Variants in DYSF observed in about 807,000 individuals in gnomAD.
DYSF encodes the protein dysferlin.
In DYSF, 212 loss-of-function variants were observed where a neutral mutation model predicts 274.9. That is an observed-to-expected ratio of 0.77 (90% CI 0.69 to 0.86). The LOEUF (loss-of-function observed/expected upper bound fraction) is 0.86. DYSF is among the 40% of genes least tolerant of loss of function. The pLI is 0.00. For missense variants in DYSF, 2,666 were observed against 2,783.2 expected, an observed-to-expected ratio of 0.96 and a Z score of 0.95; for synonymous variants, 1,091 against 1,078.7, an observed-to-expected ratio of 1.01 and a Z score of -0.22.
At chr2:71,564,968 A>T (rs1384829526) in intron 24 of DYSF, among the ~76,000 whole-genome samples, 1 of 152,126 alleles carries the variant, frequency 6.6e-6, no homozygotes, top group Non-Finnish European at 1.5e-5. Context: ...ACAATGCGGG[A>T]GATCCCTCCC....
intron 3 of DYSF, among the ~76,000 whole-genome samples, chr2:71,501,292 G>C (rs147105088): frequency 6.6e-6 from 1 of 152,258 alleles, no homozygotes; most frequent in Non-Finnish European, 1.5e-5. Flanking sequence ...TACATTTACT[G>C]CCTTGCTAGC....
At chr2:71,528,441 A>AAAGTCCCCT in intron 14 of DYSF, 40 bp downstream of exon 14, 1 of 1,543,044 alleles carries the variant, frequency 6.5e-7, no homozygotes, top group Non-Finnish European at 8.9e-7. Flanking sequence ...TCGGGAGGGG[A>AAAGTCCCCT]CTTTCTGGTG....
chr2:71,659,041 T>C lies in DYSF; in HGVS notation c.4911+8T>C. ...AAGGACCCCAATGGAAAGGTAACTTTCCTAGAGCCCTCACCTCCCCCAGAG... is the reference window on the plus strand; with the variant it reads ...AAGGACCCCAATGGAAAGGTAACTTCCCTAGAGCCCTCACCTCCCCCAGAG... On this transcript the variant is annotated splice_region_variant and intron_variant, in intron 44 of 55. Transcript: ENST00000410020. 1 of 1,614,086 alleles carries C rather than the reference T, an allele frequency of 6.2e-7. No individual in the cohort carries two copies. Among genetic ancestry groups the C allele is most frequent in the Non-Finnish European group, 8.5e-7 (1 of 1,180,018 alleles).
At chr2:71,656,463 T>C (rs2094773137) in intron 43 of DYSF, among the ~76,000 whole-genome samples, 173 bp downstream of exon 43, 1 of 150,948 alleles carries the variant, frequency 6.6e-6, no homozygotes, top group Non-Finnish European at 1.5e-5. Context: ...TGACTGGTGA[T>C]GGGATGGTGT....
intron 3 of DYSF, among the ~76,000 whole-genome samples, chr2:71,491,510 C>A (rs2083853489): frequency 6.6e-6 from 1 of 152,194 alleles, no homozygotes. Flanking sequence ...TATTTCCTCA[C>A]CCAGGCATTA....
chr2:71,479,038 C>T (rs1447923268), intron 1 of DYSF, among the ~76,000 whole-genome samples: 1 of 151,890 alleles, frequency 6.6e-6, no homozygotes, highest in East Asian at 1.9e-4. Context: ...GAGATGTGGC[C>T]AGAGGCTCGA....
chr2:71,609,806 A>G (rs2093714769), intron 36 of DYSF, among the ~76,000 whole-genome samples: 1 of 152,182 alleles, frequency 6.6e-6, no homozygotes, highest in Non-Finnish European at 1.5e-5. Context: ...GGTGGGGGGA[A>G]GCTGATATCT....
chr2:71,574,009 T>G (rs1263531627), intron 29 of DYSF, among the ~76,000 whole-genome samples, 189 bp from the exon 30 acceptor site: 1 of 152,110 alleles, frequency 6.6e-6, no homozygotes, highest in African/African-American at 2.4e-5. Context: ...TTTTCTGACC[T>G]GGGGTTCCTG....
At chr2:71,530,585 G>A (rs772489169) in intron 14 of DYSF, among the ~76,000 whole-genome samples, 6 of 152,248 alleles carry the variant, frequency 3.9e-5, no homozygotes, top group Non-Finnish European at 5.9e-5. Context: ...AAGAAGCTGC[G>A]CCTCCCATTT....
intron 22 of DYSF, among the ~76,000 whole-genome samples, chr2:71,559,872 C>G (rs2091606066): frequency 6.6e-6 from 1 of 152,236 alleles, no homozygotes; most frequent in Non-Finnish European, 1.5e-5. Context: ...CAGGGCAGAG[C>G]TGTTGCTCAC....
Position 71,571,698 on chromosome 2 carries a change from C to A in DYSF, c.3228+957C>A, listed in dbSNP as rs1185463101. ...CCACAGATCACACCCAGCACATGCA[C>A]AGATCACAGTCAGCACACACAGATC... is the stretch of plus-strand genomic sequence containing the variant. On this transcript the variant is annotated intron_variant, in intron 29 of 55. Coordinates refer to ENST00000410020, the MANE Select transcript of DYSF (RefSeq NM_001130987.2). Among the ~76,000 whole-genome samples, 3 of 132,300 alleles carry A rather than the reference C, an allele frequency of 2.3e-5. No homozygotes were observed. In the East Asian group the frequency reaches 7.2e-4, roughly 32 times the overall value. 86.8% of individuals were successfully genotyped at this position (132,300 alleles called of 152,430 possible). A position where few individuals can be genotyped will look rare whatever the true frequency, so the allele number is the denominator to read the frequency against.
intron 55 of DYSF, among the ~76,000 whole-genome samples, chr2:71,683,334 C>T (rs1461499308): frequency 6.6e-6 from 1 of 152,136 alleles, no homozygotes; most frequent in African/African-American, 2.4e-5. Flanking sequence ...CTGTCGTGCC[C>T]TTGCTCTGTG....
chr2:71,537,078 G>A (rs931269403), intron 16 of DYSF, among the ~76,000 whole-genome samples: 1 of 152,006 alleles, frequency 6.6e-6, no homozygotes, highest in Non-Finnish European at 1.5e-5. Flanking sequence ...GAAGACTGGA[G>A]GTCAGAAATC....
At chr2:71,484,457 C>A (rs924410906) in intron 3 of DYSF, among the ~76,000 whole-genome samples, 1 of 152,188 alleles carries the variant, frequency 6.6e-6, no homozygotes, top group Non-Finnish European at 1.5e-5. Context: ...GTATAACAAT[C>A]AAGTCAGAGT....
chr2:71,516,467 G>A (rs527291210), intron 9 of DYSF, among the ~76,000 whole-genome samples: 3 of 152,332 alleles, frequency 2.0e-5, no homozygotes, highest in African/African-American at 7.2e-5. Context: ...AGGCTCTACG[G>A]GTCACAGAAA....
intron 43 of DYSF, among the ~76,000 whole-genome samples, chr2:71,658,518 C>T (rs2094817152): frequency 1.3e-5 from 2 of 152,126 alleles, no homozygotes; most frequent in African/African-American, 2.4e-5. Flanking sequence ...TGAAGACATA[C>T]CCAAGACTTG....
chr2:71,646,941 G>A (rs1029952892), intron 42 of DYSF, among the ~76,000 whole-genome samples: 4 of 152,100 alleles, frequency 2.6e-5, no homozygotes, highest in Admixed American at 2.0e-4. Flanking sequence ...AATTTAAAGT[G>A]AAGAGCAAAG....
intron 14 of DYSF, among the ~76,000 whole-genome samples, chr2:71,531,961 C>T (rs2088773510): frequency 1.3e-5 from 2 of 152,176 alleles, no homozygotes; most frequent in South Asian, 4.1e-4. Context: ...TTTAACCCTG[C>T]TTCTTCTCTG....
Position 71,598,161 on chromosome 2 carries a change from CCCTAGCA to C in DYSF, c.3575-389_3575-383del, listed in dbSNP as rs553340667. On this transcript the variant is annotated intron_variant, in intron 32 of 55. Transcript: ENST00000410020. ...ATTTAGTTCAAATTGTATTCTCAGC[CCCTAGCA>C]CCTAGCACCTAGCCTGGCATAAAGA... Among the ~76,000 whole-genome samples, 545 of 152,320 alleles carry C rather than the reference CCCTAGCA, an allele frequency of 3.6e-3. 3 individuals carry two copies. The highest frequency in any genetic ancestry group is 0.013 in the African/African-American group (533 of 41,568).
Sources: gnomAD v4.1 joint callset for allele counts (sites outside exome capture counted in the v4.1 genomes callset) on GRCh38, gnomAD v4.1.1 for gene constraint, MANE v1.5 for transcripts, NCBI Gene and HGNC (gene_info 2026-07-23, HGNC 2026-07-21) for gene names.